CSMD1: variants seen among roughly 807,000 people sequenced by gnomAD.
CSMD1 encodes CUB and Sushi multiple domains 1.
CSMD1 carries 213 observed loss-of-function variants against 417.5 expected under a neutral mutation model. The observed-to-expected ratio is 0.51, with a 90% CI of 0.46 to 0.57. The LOEUF (loss-of-function observed/expected upper bound fraction) is 0.57, where lower values mean the gene tolerates loss of function less well. CSMD1 is among the 20% of genes least tolerant of loss of function. The pLI is 0.00. For synonymous variants in CSMD1, 2,862 were observed against 1,736.8 expected (o/e 1.65, Z -16.11); for missense variants, 6,923 against 4,529.7 (o/e 1.53, Z -15.17).
intron 2 of CSMD1, among the ~76,000 whole-genome samples, chr8:4,579,702 C>G (rs545580704): frequency 2.0e-5 from 3 of 152,072 alleles, no homozygotes; most frequent in African/African-American, 7.2e-5. Flanking sequence ...GCAAAATATT[C>G]TGGAAACTCC....
At chr8:3,666,584 T>C (rs966803389) in intron 7 of CSMD1, among the ~76,000 whole-genome samples, 4 of 152,146 alleles carry the variant, frequency 2.6e-5, no homozygotes, top group Non-Finnish European at 5.9e-5. Context: ...TCATCTTGAA[T>C]TGTAGCTCCC....
At chr8:3,801,364 A>G (rs1009683390) in intron 5 of CSMD1, among the ~76,000 whole-genome samples, 3 of 152,276 alleles carry the variant, frequency 2.0e-5, no homozygotes, top group East Asian at 1.9e-4. Flanking sequence ...AAAAGATGCT[A>G]AAGATCATTA....
intron 3 of CSMD1, among the ~76,000 whole-genome samples, chr8:4,356,800 C>T (rs1053922163): frequency 3.3e-5 from 5 of 152,182 alleles, no homozygotes; most frequent in African/African-American, 1.2e-4. Context: ...GCAGGCCCAG[C>T]CCCTGACCGA....
chr8:4,607,889 C>T (rs1299198090), intron 2 of CSMD1, among the ~76,000 whole-genome samples: 1 of 152,180 alleles, frequency 6.6e-6, no homozygotes, highest in African/African-American at 2.4e-5. Context: ...TGAATTCCTT[C>T]TTACTGTGGT....
chr8:4,410,948 G>C (rs1273511012), intron 3 of CSMD1, among the ~76,000 whole-genome samples: 2 of 152,110 alleles, frequency 1.3e-5, no homozygotes, highest in Non-Finnish European at 2.9e-5. Flanking sequence ...GTTCTAGTGG[G>C]ACTAGGTTAG....
At chr8:3,704,477 A>G (rs924865916) in intron 7 of CSMD1, among the ~76,000 whole-genome samples, 2 of 152,182 alleles carry the variant, frequency 1.3e-5, no homozygotes, top group African/African-American at 4.8e-5. Context: ...AACAACATAA[A>G]TAAGGGGTAG....
chr8:4,157,087 G>C (rs923282755), intron 3 of CSMD1, among the ~76,000 whole-genome samples: 1 of 152,244 alleles, frequency 6.6e-6, no homozygotes, highest in Admixed American at 6.5e-5. Flanking sequence ...CCATGGCCAG[G>C]GTGACAAATC....
At chr8:3,027,403 G>T (rs141721427) in intron 51 of CSMD1, among the ~76,000 whole-genome samples, 1 of 152,140 alleles carries the variant, frequency 6.6e-6, no homozygotes, top group South Asian at 2.1e-4. Context: ...GAGAAAACAA[G>T]GACCATTTCA....
chr8:3,376,320 A>G (rs1238188055), intron 18 of CSMD1, among the ~76,000 whole-genome samples: 2 of 152,098 alleles, frequency 1.3e-5, no homozygotes, highest in African/African-American at 4.8e-5. Context: ...TTCAAATGCC[A>G]AGAACAACAA....
At chr8:4,985,005 A>G (rs1339080082) in intron 1 of CSMD1, among the ~76,000 whole-genome samples, 1 of 152,170 alleles carries the variant, frequency 6.6e-6, no homozygotes, top group Non-Finnish European at 1.5e-5. Context: ...TAAAAATGTG[A>G]TGTAGCCATG....
At chr8:3,236,926 T>C (rs2116942961) in intron 26 of CSMD1, among the ~76,000 whole-genome samples, 1 of 152,156 alleles carries the variant, frequency 6.6e-6, no homozygotes, top group Non-Finnish European at 1.5e-5. Context: ...AAATCTCAAG[T>C]CACAGAGGCA....
intron 1 of CSMD1, among the ~76,000 whole-genome samples, chr8:4,958,916 G>GA (rs1809296917): frequency 6.6e-6 from 1 of 151,900 alleles, no homozygotes; most frequent in Non-Finnish European, 1.5e-5. Context: ...AATATTTTTA[G>GA]AAAAAAATAT....
chr8:3,859,022 C>G (rs767892408), intron 5 of CSMD1, among the ~76,000 whole-genome samples: 1 of 152,164 alleles, frequency 6.6e-6, no homozygotes, highest in Non-Finnish European at 1.5e-5. Context: ...GAAGTGTTCC[C>G]TAAAAGACCT....
At chr8:3,871,978 A>G (rs1386895360) in intron 5 of CSMD1, among the ~76,000 whole-genome samples, 9 of 152,174 alleles carry the variant, frequency 5.9e-5, no homozygotes, top group African/African-American at 1.9e-4. Flanking sequence ...TGAGCTACAA[A>G]CCTGCACTAT....
intron 3 of CSMD1, among the ~76,000 whole-genome samples, chr8:4,409,634 C>G: frequency 1.2e-5 from 1 of 80,418 alleles, no homozygotes; most frequent in Admixed American, 2.0e-4. Flanking sequence ...CATTATTTGA[C>G]TTTTTTTCTT....
chr8:4,161,722 G>C (rs1193214750), intron 3 of CSMD1, among the ~76,000 whole-genome samples: 1 of 152,090 alleles, frequency 6.6e-6, no homozygotes, highest in Non-Finnish European at 1.5e-5. Context: ...GAAAACCATT[G>C]CTGCCATCAT....
chr8:3,812,439 A>G (rs114196908), intron 5 of CSMD1, among the ~76,000 whole-genome samples: 170 of 152,254 alleles, frequency 1.1e-3, no homozygotes, highest in African/African-American at 3.2e-3. Flanking sequence ...AGTGCTCACA[A>G]TGATGTGGCT....
chr8:3,954,070 G>A (rs1811761724), intron 5 of CSMD1, among the ~76,000 whole-genome samples: 1 of 152,160 alleles, frequency 6.6e-6, no homozygotes, highest in African/African-American at 2.4e-5. Flanking sequence ...CCGGGACCCC[G>A]CCTCTAGGAA....
intron 1 of CSMD1, among the ~76,000 whole-genome samples, chr8:4,839,124 T>C (rs1563551696): frequency 1.3e-5 from 2 of 152,164 alleles, no homozygotes; most frequent in Non-Finnish European, 2.9e-5. Context: ...ACTCCACGAC[T>C]TCTTCAAAAG....
Sources: allele counts gnomAD v4.1 joint callset (sites outside exome capture counted in the v4.1 genomes callset), GRCh38; gene constraint gnomAD v4.1.1; transcripts MANE v1.5; gene names NCBI Gene and HGNC (gene_info 2026-07-23, HGNC 2026-07-21).